The following PLA2G4C variants were observed in gnomAD, a reference collection of about 807,000 sequenced individuals.
PLA2G4C encodes phospholipase A2 group IVC.
PLA2G4C carries 64 observed loss-of-function variants against 73.8 expected under a neutral mutation model. The ratio of observed to expected loss-of-function variants is 0.87; its 90% CI spans 0.71 to 1.07. The LOEUF (loss-of-function observed/expected upper bound fraction) is 1.07. Among genes scored for constraint, PLA2G4C ranks in the 50% least tolerant of loss-of-function variants. The pLI, the probability that PLA2G4C is intolerant of heterozygous loss-of-function variation, is 0.00. For missense variants in PLA2G4C, 622 were observed against 665.4 expected (o/e 0.93, Z 0.72); for synonymous variants, 254 against 252.1 (o/e 1.01, Z -0.07).
At chr19:48,102,725 C>T (rs531923481) in intron 4 of PLA2G4C, among the ~76,000 whole-genome samples, 2 of 152,290 alleles carry the variant, frequency 1.3e-5, no homozygotes, top group South Asian at 2.1e-4. Flanking sequence ...TTTCTCCCAT[C>T]GTGCTCTCAT....
At chr19:48,049,560 C>T (rs547246757) in intron 16 of PLA2G4C, among the ~76,000 whole-genome samples, 78 of 152,284 alleles carry the variant, frequency 5.1e-4, no homozygotes, top group Non-Finnish European at 8.7e-4. Context: ...TATGCAGCCA[C>T]GGCTGCAGGA....
intron 4 of PLA2G4C, 54 bp from the exon 5 acceptor site, chr19:48,099,914 A>T: frequency 7.6e-7 from 1 of 1,310,900 alleles, no homozygotes; most frequent in African/African-American, 1.4e-5. Context: ...GACGATGAAG[A>T]CTGGGGAAAG....
Position 48,090,412 on chromosome 19 carries a change from A to C in PLA2G4C, c.715T>G (p.Trp239Gly), listed in dbSNP as rs780327926. The C allele has an allele frequency of 1.2e-6, 2 of 1,611,538 alleles. No individual in the cohort carries two copies. The highest frequency in any genetic ancestry group is 1.1e-5 in the South Asian group (1 of 91,018). ...ERDLTFLRGL[W>G]GSALGNTEVI... ...TCAGTGTTACCAAGAGCACTTCCCCATAAACCTGCCAAGAAAAGAGCAATA... is the reference window on the plus strand; with the variant it reads ...TCAGTGTTACCAAGAGCACTTCCCCCTAAACCTGCCAAGAAAAGAGCAATA... Residue 239 changes from tryptophan (W) to glycine (G), a missense_variant, in exon 8 of 17, where the codon TGG becomes GGG. Physicochemically the swap from Trp to Gly is radical, Grantham distance 184. Coordinates refer to ENST00000599921, the MANE Select transcript of PLA2G4C (RefSeq NM_003706.3).
At chr19:48,082,705 G>A (rs2030670742) in intron 10 of PLA2G4C, among the ~76,000 whole-genome samples, 1 of 150,032 alleles carries the variant, frequency 6.7e-6, no homozygotes, top group Non-Finnish European at 1.5e-5. Context: ...CACCATGTTG[G>A]CTGGGCTGGT....
chr19:48,102,765 C>T (rs565371631), intron 4 of PLA2G4C, among the ~76,000 whole-genome samples: 2 of 152,244 alleles, frequency 1.3e-5, no homozygotes, highest in South Asian at 4.1e-4. Context: ...AAGGACTGTC[C>T]CAGATGATTT....
chr19:48,055,389 G>A (rs1967899052), intron 14 of PLA2G4C, among the ~76,000 whole-genome samples: 2 of 132,580 alleles, frequency 1.5e-5, no homozygotes, highest in African/African-American at 3.2e-5. Context: ...CATCTCTACA[G>A]TATATATATA....
At chr19:48,076,382 G>A (rs2030158694) in intron 11 of PLA2G4C, among the ~76,000 whole-genome samples, 1 of 152,130 alleles carries the variant, frequency 6.6e-6, no homozygotes, top group African/African-American at 2.4e-5. Flanking sequence ...GCCTTCTGTG[G>A]CACTCCAGCT....
chr19:48,051,277 A>G (rs989121599), intron 16 of PLA2G4C, among the ~76,000 whole-genome samples: 1 of 152,114 alleles, frequency 6.6e-6, no homozygotes, highest in African/African-American at 2.4e-5. Context: ...TTTGCTCCAT[A>G]ACACTCGTTT....
intron 12 of PLA2G4C, among the ~76,000 whole-genome samples, chr19:48,071,816 C>T (rs1044105947): frequency 4.6e-5 from 7 of 151,982 alleles, no homozygotes; most frequent in African/African-American, 1.7e-4. Flanking sequence ...GTTTTCCAGG[C>T]TAGTCTTGAA....
At chr19:48,077,855 T>C in intron 10 of PLA2G4C, 31 bp from the exon 11 acceptor site, 1 of 1,584,234 alleles carries the variant, frequency 6.3e-7, no homozygotes, top group East Asian at 2.3e-5. Context: ...GGGGAATGTT[T>C]AACTGTAAAG....
At chr19:48,090,002 G>A (rs2031204910) in intron 8 of PLA2G4C, among the ~76,000 whole-genome samples, 2 of 152,150 alleles carry the variant, frequency 1.3e-5, no homozygotes, top group African/African-American at 2.4e-5. Context: ...ACTGAGTGCC[G>A]TTATCTACCA....
intron 10 of PLA2G4C, among the ~76,000 whole-genome samples, chr19:48,080,000 G>C (rs2030438431): frequency 6.6e-6 from 1 of 152,120 alleles, no homozygotes; most frequent in African/African-American, 2.4e-5. Flanking sequence ...AAATTAAAAA[G>C]CTTCTGTACA....
chr19:48,054,097 C>T (rs182535690), intron 15 of PLA2G4C, among the ~76,000 whole-genome samples: 60 of 152,228 alleles, frequency 3.9e-4, no homozygotes, highest in East Asian at 1.9e-3. Flanking sequence ...GATGTTGGAG[C>T]GTAACAAGAT....
chr19:48,105,565 T>G, intron 2 of PLA2G4C, 121 bp from the exon 3 acceptor site: 1 of 699,052 alleles, frequency 1.4e-6, no homozygotes, highest in African/African-American at 1.8e-5. Context: ...GTACATGGTT[T>G]CCTTTTGGGG....
At position 48,098,256 on chromosome 19, in the gene PLA2G4C, G is replaced by T; in HGVS notation, c.451C>A (p.Pro151Thr). 6.2e-7 allele frequency: 1 copy of T among 1,611,452 alleles called. No homozygotes were observed. Among genetic ancestry groups the T allele is most frequent in the Non-Finnish European group, 8.5e-7 (1 of 1,178,642 alleles). The change falls in exon 6 of 17, where the codon CCG becomes ACG. Residue 151 changes from proline (P) to threonine (T), a missense_variant. By Grantham distance (38) the Pro-to-Thr change is conservative. Transcript: ENST00000599921. The stretch of plus-strand genomic sequence containing the variant: ...TTCATATTGGACAAATGAGACTCCG[G>T]CAGCTTTGGGAGAAGGTGCCAAGAC... ...MVISKQTREL[P>T]ESHLSNMKKP...
intron 14 of PLA2G4C, chr19:48,061,796 G>A: frequency 1.7e-6 from 1 of 589,928 alleles, no homozygotes; most frequent in South Asian, 1.9e-5. Flanking sequence ...GTCTGGGATG[G>A]CTTTGGATCA....
chr19:48,059,465 G>A (rs1479186239), intron 14 of PLA2G4C, among the ~76,000 whole-genome samples: 1 of 152,116 alleles, frequency 6.6e-6, no homozygotes, highest in East Asian at 1.9e-4. Flanking sequence ...TGAGGGTGCT[G>A]TCAGAGGAGA....
At chr19:48,082,237 C>A (rs998876217) in intron 10 of PLA2G4C, among the ~76,000 whole-genome samples, 8 of 146,988 alleles carry the variant, frequency 5.4e-5, no homozygotes, top group Admixed American at 4.1e-4. Flanking sequence ...CAAAAAAAAA[C>A]AAAAAAATCT....
chr19:48,096,980 A>C (rs751532085), intron 6 of PLA2G4C: 2 of 151,898 alleles, frequency 1.3e-5, no homozygotes, highest in Non-Finnish European at 2.9e-5. Context: ...ACAGGGAGAA[A>C]CCACGTCTCT....
Sources: allele counts gnomAD v4.1 joint callset (sites outside exome capture counted in the v4.1 genomes callset), GRCh38; gene constraint gnomAD v4.1.1; transcripts MANE v1.5; gene names NCBI Gene and HGNC (gene_info 2026-07-23, HGNC 2026-07-21).